KIRREL3: variants seen among roughly 807,000 people sequenced by gnomAD.
KIRREL3 encodes kin of IRRE-like protein 3.
In KIRREL3, 36 loss-of-function variants were observed where a neutral mutation model predicts 89.7. The observed-to-expected ratio is 0.40, with a 90% confidence interval of 0.31 to 0.53. The LOEUF (loss-of-function observed/expected upper bound fraction) is 0.53, where lower values mean the gene tolerates loss of function less well. KIRREL3 is among the 20% of genes least tolerant of loss of function. The probability of loss-of-function intolerance (pLI) is 0.49; values close to 1 mark genes in which losing one functional copy is unlikely to be tolerated. For synonymous variants in KIRREL3, 445 were observed against 441.4 expected, an observed-to-expected ratio of 1.01 and a Z score of -0.10; for missense variants, 864 against 1,056.6, an observed-to-expected ratio of 0.82 and a Z score of 2.53.
At chr11:126,488,588 C>T (rs1237828935) in intron 4 of KIRREL3, among the ~76,000 whole-genome samples, 1 of 152,238 alleles carries the variant, frequency 6.6e-6, no homozygotes, top group African/African-American at 2.4e-5. Context: ...AGACCAAATG[C>T]ATTTGTGCAG....
chr11:126,467,087 C>T (rs761156424), intron 5 of KIRREL3, among the ~76,000 whole-genome samples: 2 of 152,364 alleles, frequency 1.3e-5, no homozygotes, highest in East Asian at 1.9e-4. Flanking sequence ...TGTCCGGGAA[C>T]GAGCGTGCCA....
intron 1 of KIRREL3, among the ~76,000 whole-genome samples, chr11:126,863,162 G>C (rs1356933318): frequency 1.3e-5 from 2 of 152,244 alleles, no homozygotes; most frequent in Non-Finnish European, 2.9e-5. Flanking sequence ...AACACAGCAC[G>C]AAGGTGTTTC....
intron 1 of KIRREL3, among the ~76,000 whole-genome samples, chr11:126,938,093 T>C (rs1435797661): frequency 6.6e-6 from 1 of 152,232 alleles, no homozygotes; most frequent in Admixed American, 6.5e-5. Flanking sequence ...TACTTGTTTA[T>C]ACCATTGTGG....
chr11:126,435,207 C>T, intron 13 of KIRREL3, 61 bp downstream of exon 13: 1 of 1,584,518 alleles, frequency 6.3e-7, no homozygotes, highest in South Asian at 1.1e-5. Flanking sequence ...GTTCCCTCCC[C>T]AGCTAGCCAG....
intron 1 of KIRREL3, among the ~76,000 whole-genome samples, chr11:126,895,151 G>A (rs902559625): frequency 6.6e-6 from 1 of 151,982 alleles, no homozygotes; most frequent in African/African-American, 2.4e-5. Flanking sequence ...TTCCCCACAC[G>A]GAGCTTCCTT....
chr11:126,630,609 C>T (rs1364657939), intron 1 of KIRREL3, among the ~76,000 whole-genome samples: 1 of 152,184 alleles, frequency 6.6e-6, no homozygotes, highest in Non-Finnish European at 1.5e-5. Context: ...CAATGACTTA[C>T]CTCTTACCTC....
intron 11 of KIRREL3, 56 bp from the exon 12 acceptor site, chr11:126,437,065 C>T: frequency 7.0e-7 from 1 of 1,431,250 alleles, no homozygotes; most frequent in African/African-American, 1.4e-5. Flanking sequence ...CAGGACACGC[C>T]CACACCAGAG....
chr11:126,834,231 G>A (rs1943703666), intron 1 of KIRREL3, among the ~76,000 whole-genome samples: 1 of 152,184 alleles, frequency 6.6e-6, no homozygotes, highest in Admixed American at 6.5e-5. Flanking sequence ...TTTGCAAGCT[G>A]GGAGGTGAGG....
intron 7 of KIRREL3, among the ~76,000 whole-genome samples, chr11:126,453,009 GT>G (rs1392086074): frequency 3.9e-5 from 6 of 152,160 alleles, no homozygotes; most frequent in East Asian, 1.9e-4. Flanking sequence ...CCTGATTTTG[GT>G]GCAGTTTCTT....
rs1374069231 is a variant in KIRREL3 at position 126,565,339 on chromosome 11, A to G, written c.56-2427T>C. On this transcript the variant is annotated intron_variant, in intron 1 of 16. Coordinates refer to ENST00000525144, the MANE Select transcript of KIRREL3 (RefSeq NM_032531.4). This position sits in a 1 kb window ranked among gnomAD's most constrained non-coding sequence, Gnocchi z 5.4. ...GAGGCTGTGTGGACAAGTGGTTATG[A>G]TATAATAACTAAGAGTCTCACTGAT... Among the ~76,000 whole-genome samples, 1 of 152,194 alleles carries G rather than the reference A, an allele frequency of 6.6e-6. No individual in the cohort carries two copies. The highest frequency in any genetic ancestry group is 1.5e-5 in the Non-Finnish European group (1 of 68,038).
intron 1 of KIRREL3, among the ~76,000 whole-genome samples, chr11:126,799,073 T>C (rs1478322650): frequency 6.7e-6 from 1 of 149,720 alleles, no homozygotes; most frequent in Non-Finnish European, 1.5e-5. Context: ...TGTGCACGTA[T>C]TCGTGTGTGT....
At position 126,541,717 on chromosome 11, in the gene KIRREL3, G is replaced by A. The variant is rs1938381037; in HGVS notation, c.134-15030C>T. Among the ~76,000 whole-genome samples, 1 of 152,128 alleles carries A rather than the reference G, an allele frequency of 6.6e-6. No homozygotes were observed. Among genetic ancestry groups the A allele is most frequent in the African/African-American group, 2.4e-5 (1 of 41,434 alleles). ...ATAGCTTCTGGGTCATCCTTCTGCA[G>A]GCGGTTTCTGGGCCACATCCTAAGG... is the stretch of plus-strand genomic sequence containing the variant. On this transcript the variant is annotated intron_variant, in intron 2 of 16. Coordinates refer to ENST00000525144, the MANE Select transcript of KIRREL3 (RefSeq NM_032531.4). The surrounding 1 kb of genome is among the most constrained non-coding windows in gnomAD (Gnocchi z 4.8).
chr11:126,973,191 T>TA (rs1045975051), intron 1 of KIRREL3, among the ~76,000 whole-genome samples: 6 of 80 alleles, frequency 0.075, no homozygotes, highest in Non-Finnish European at 0.12. Flanking sequence ...ACAGGCTGAA[T>TA]GGCCCTGGCA....
intron 1 of KIRREL3, among the ~76,000 whole-genome samples, chr11:126,777,354 G>A (rs1053680285): frequency 2.6e-5 from 4 of 152,268 alleles, no homozygotes; most frequent in Non-Finnish European, 2.9e-5. Context: ...AGGGAACAGT[G>A]ATAATTCAGG....
chr11:126,700,941 A>G (rs958467245), intron 1 of KIRREL3, among the ~76,000 whole-genome samples: 145 of 152,312 alleles, frequency 9.5e-4, no homozygotes, highest in Non-Finnish European at 2.2e-4. Context: ...CATGTAGACA[A>G]AGCTAGAATT....
intron 1 of KIRREL3, among the ~76,000 whole-genome samples, chr11:126,816,608 A>G (rs1951580990): frequency 6.6e-6 from 1 of 152,240 alleles, no homozygotes. Flanking sequence ...AGACCTGAGT[A>G]CAAATCTGTA....
rs866704304 is a variant in KIRREL3 at position 126,796,585 on chromosome 11, G to T, written c.55+203870C>A. Among the ~76,000 whole-genome samples the T allele has an allele frequency of 6.6e-6, 1 of 152,140 alleles. No homozygotes were observed. Among genetic ancestry groups the T allele is most frequent in the Non-Finnish European group, 1.5e-5 (1 of 68,024 alleles). Reference sequence around the variant, plus strand: ...CTAGCTGGTACCCACTGGGTGATTGGGCACTAGAAATGTTGGCACAAGTGC... The same window carrying T: ...CTAGCTGGTACCCACTGGGTGATTGTGCACTAGAAATGTTGGCACAAGTGC... On this transcript the variant is annotated intron_variant, in intron 1 of 16. Transcript: ENST00000525144. The surrounding 1 kb of genome is among the most constrained non-coding windows in gnomAD (Gnocchi z 5.1).
rs1243315395 is a variant in KIRREL3, at chr11:126,778,020, A to G, written c.56-215108T>C. Among the ~76,000 whole-genome samples the G allele has an allele frequency of 6.6e-6, 1 of 151,006 alleles. No homozygotes were observed. The highest frequency in any genetic ancestry group is 1.9e-4 in the East Asian group (1 of 5,134). ...CTTCCCCCTACTCTCTTTTCCTGGT[A>G]TATGAGAAATACATGCTCATTGTAG... is the stretch of plus-strand genomic sequence containing the variant. On this transcript the variant is annotated intron_variant, in intron 1 of 16. Transcript: ENST00000525144. This position sits in a 1 kb window ranked among gnomAD's most constrained non-coding sequence, Gnocchi z 4.5.
chr11:126,921,598 CTAT>C (rs1159012092), intron 1 of KIRREL3, among the ~76,000 whole-genome samples: 2 of 38,464 alleles, frequency 5.2e-5, no homozygotes, highest in African/African-American at 2.9e-4. Context: ...ATCTATCTAT[CTAT>C]CTATCTATCT....
Sources: allele counts gnomAD v4.1 joint callset (sites outside exome capture counted in the v4.1 genomes callset), GRCh38; gene constraint gnomAD v4.1.1; non-coding constraint Gnocchi (gnomAD v3.1); transcripts MANE v1.5; gene names NCBI Gene and HGNC (gene_info 2026-07-23, HGNC 2026-07-21).